The following CPNE4 variants were observed in gnomAD, a reference collection of about 807,000 sequenced individuals.
The protein encoded by CPNE4 is copine 4.
A neutral mutation model predicts 67.9 loss-of-function variants in CPNE4; 25 were observed. The ratio of observed to expected loss-of-function variants is 0.37; its 90% confidence interval spans 0.27 to 0.51. The LOEUF (loss-of-function observed/expected upper bound fraction) is 0.51, where lower values mean the gene tolerates loss of function less well. CPNE4 is among the 20% of genes least tolerant of loss of function. The pLI, the probability that CPNE4 is intolerant of heterozygous loss-of-function variation, is 0.93. For synonymous variants in CPNE4, 242 were observed against 244.9 expected (o/e 0.99, Z 0.11); for missense variants, 464 against 690.8 (o/e 0.67, Z 3.68).
intron 7 of CPNE4, among the ~76,000 whole-genome samples, chr3:131,655,662 G>A (rs1444967176): frequency 6.6e-6 from 1 of 152,094 alleles, no homozygotes; most frequent in Non-Finnish European, 1.5e-5. Flanking sequence ...GGGGGCAGGG[G>A]GGTGGAGACA....
At chr3:131,942,238 CTCTT>C (rs2071408729) in intron 1 of CPNE4, among the ~76,000 whole-genome samples, 1 of 152,036 alleles carries the variant, frequency 6.6e-6, no homozygotes, top group South Asian at 2.1e-4. Context: ...TGCTTTCTCT[CTCTT>C]TAAAATGTGT....
intron 2 of CPNE4, among the ~76,000 whole-genome samples, chr3:131,788,016 A>G (rs1406866948): frequency 6.6e-6 from 1 of 152,190 alleles, no homozygotes; most frequent in Admixed American, 6.6e-5. Flanking sequence ...TGAATGGCGA[A>G]TGTACCAAAT....
chr3:131,961,459 T>C (rs1184510155), intron 1 of CPNE4, among the ~76,000 whole-genome samples: 1 of 152,118 alleles, frequency 6.6e-6, no homozygotes, highest in Non-Finnish European at 1.5e-5. Context: ...ATAAGCATCA[T>C]CATAAATCCC....
chr3:131,608,016 G>T (rs868488315), intron 7 of CPNE4, among the ~76,000 whole-genome samples: 32 of 152,130 alleles, frequency 2.1e-4, no homozygotes, highest in African/African-American at 7.2e-4. Flanking sequence ...TTAAGATTAG[G>T]GCATAATATA....
intron 2 of CPNE4, among the ~76,000 whole-genome samples, chr3:131,780,298 C>T (rs750556226): frequency 1.9e-4 from 29 of 152,050 alleles, no homozygotes; most frequent in Non-Finnish European, 3.4e-4. Context: ...TAAAATAGAA[C>T]GACTTTTCAA....
chr3:131,989,419 T>A (rs2073126725), intron 1 of CPNE4, among the ~76,000 whole-genome samples: 2 of 138,620 alleles, frequency 1.4e-5, no homozygotes, highest in Admixed American at 7.9e-5. Context: ...TGTAGGTGAG[T>A]AAACAGAGGC....
chr3:131,678,055 A>C (rs2080632964), intron 6 of CPNE4, among the ~76,000 whole-genome samples: 1 of 152,222 alleles, frequency 6.6e-6, no homozygotes, highest in Admixed American at 6.5e-5. Context: ...GATTATTCCT[A>C]TGCATGAGCA....
intron 1 of CPNE4, among the ~76,000 whole-genome samples, chr3:131,932,117 T>C (rs1184727860): frequency 6.6e-6 from 1 of 152,166 alleles, no homozygotes; most frequent in African/African-American, 2.4e-5. Context: ...CAGAAAGATC[T>C]CACATGTCAG....
intron 2 of CPNE4, among the ~76,000 whole-genome samples, chr3:131,880,760 T>G (rs544600592): frequency 6.6e-6 from 1 of 152,178 alleles, no homozygotes; most frequent in Non-Finnish European, 1.5e-5. Flanking sequence ...AAGAGAAAAA[T>G]AAACTTATGG....
At chr3:131,930,472 A>G (rs1472780079) in intron 1 of CPNE4, among the ~76,000 whole-genome samples, 1 of 152,158 alleles carries the variant, frequency 6.6e-6, no homozygotes, top group Non-Finnish European at 1.5e-5. Context: ...TGGAAGCCAA[A>G]GGACTCATTT....
chr3:131,937,356 A>T (rs1254190367), intron 1 of CPNE4, among the ~76,000 whole-genome samples: 1 of 152,200 alleles, frequency 6.6e-6, no homozygotes, highest in East Asian at 1.9e-4. Context: ...ACTGAAATAC[A>T]ATATAGCAAC....
At chr3:131,717,532 T>C (rs1426723927) in intron 3 of CPNE4, among the ~76,000 whole-genome samples, 1 of 152,220 alleles carries the variant, frequency 6.6e-6, no homozygotes, top group Non-Finnish European at 1.5e-5. Context: ...CACAGATATC[T>C]GCATTTAATA....
chr3:131,848,954 T>TAAAA (rs2086114488), intron 2 of CPNE4, among the ~76,000 whole-genome samples: 2 of 12,412 alleles, frequency 1.6e-4, no homozygotes, highest in Non-Finnish European at 1.7e-4. Flanking sequence ...CAGTAGTGAT[T>TAAAA]ACAAAAAAAA....
chr3:131,792,674 TATATAC>T (rs1560322384), intron 2 of CPNE4, among the ~76,000 whole-genome samples: 2,696 of 76,662 alleles, frequency 0.035, 398 homozygotes, highest in Non-Finnish European at 0.053. Flanking sequence ...TATATATACA[TATATAC>T]ACACGTGTAT....
chr3:131,753,121 G>T (rs541603424), intron 2 of CPNE4, among the ~76,000 whole-genome samples: 1 of 151,844 alleles, frequency 6.6e-6, no homozygotes, highest in African/African-American at 2.4e-5. Flanking sequence ...GATCAGAAAA[G>T]GTTGCTAGTA....
chr3:131,863,917 T>C (rs1326265098), intron 2 of CPNE4, among the ~76,000 whole-genome samples: 2 of 152,264 alleles, frequency 1.3e-5, no homozygotes, highest in Non-Finnish European at 2.9e-5. Flanking sequence ...TTCAGCTTTC[T>C]ACATATAGCT....
At chr3:131,807,249 T>C (rs2084350657) in intron 2 of CPNE4, among the ~76,000 whole-genome samples, 1 of 152,158 alleles carries the variant, frequency 6.6e-6, no homozygotes, top group Non-Finnish European at 1.5e-5. Context: ...AGCCAGACAC[T>C]GAAGCACCAC....
chr3:131,958,813 C>G (rs1473847812), intron 1 of CPNE4, among the ~76,000 whole-genome samples: 1 of 150,434 alleles, frequency 6.6e-6, no homozygotes, highest in Admixed American at 6.6e-5. Flanking sequence ...TGCCCGCCAC[C>G]ACGCCCAGCT....
chr3:131,641,807 C>CACAGTAGTT (rs2079548536), intron 7 of CPNE4, among the ~76,000 whole-genome samples: 1 of 152,084 alleles, frequency 6.6e-6, no homozygotes, highest in Non-Finnish European at 1.5e-5. Flanking sequence ...TTATATATAC[C>CACAGTAGTT]ATGGAATACT....
Sources: gnomAD v4.1 joint callset for allele counts (sites outside exome capture counted in the v4.1 genomes callset) on GRCh38, gnomAD v4.1.1 for gene constraint, MANE v1.5 for transcripts, NCBI Gene and HGNC (gene_info 2026-07-23, HGNC 2026-07-21) for gene names.